WDFY3: variants seen among roughly 807,000 people sequenced by gnomAD.
WDFY3 encodes WD repeat and FYVE domain-containing protein 3.
In WDFY3, 66 loss-of-function variants were observed where a neutral mutation model predicts 409.6. The observed-to-expected ratio is 0.16, with a 90% CI of 0.13 to 0.20. The LOEUF (loss-of-function observed/expected upper bound fraction) is 0.20, where lower values mean the gene tolerates loss of function less well. WDFY3 is among the 10% of genes least tolerant of loss of function. The probability of loss-of-function intolerance (pLI) is 1.00; values close to 1 mark genes in which losing one functional copy is unlikely to be tolerated. For synonymous variants in WDFY3, 1,521 were observed against 1,537.1 expected, an observed-to-expected ratio of 0.99 and a Z score of 0.25; for missense variants, 3,031 against 4,298.1, an observed-to-expected ratio of 0.71 and a Z score of 8.24.
rs571053138 is a variant in WDFY3, at chr4:84,804,964, A to G, written c.2430-1497T>C. Among the ~76,000 whole-genome samples the G allele has an allele frequency of 8.9e-4, 136 of 152,290 alleles. 1 individual carries two copies. The highest frequency in any genetic ancestry group is 3.2e-3 in the African/African-American group (134 of 41,562). On this transcript the variant is annotated intron_variant, in intron 15 of 67. Coordinates refer to ENST00000295888, the MANE Select transcript of WDFY3 (RefSeq NM_014991.6). ...AACACAGGTTGAGTACCCCTAATCC[A>G]AAAATCTGAAATCTGAAATGCTCCA... is the stretch of plus-strand genomic sequence containing the variant.
intron 4 of WDFY3, among the ~76,000 whole-genome samples, chr4:84,852,670 A>AT (rs558085707): frequency 1.2e-3 from 178 of 151,988 alleles, no homozygotes; most frequent in African/African-American, 3.2e-3. Flanking sequence ...TCCTCAACAC[A>AT]TTTTTTTCCT....
At chr4:84,858,448 C>T (rs1167249824) in intron 4 of WDFY3, among the ~76,000 whole-genome samples, 2 of 151,694 alleles carry the variant, frequency 1.3e-5, no homozygotes, top group African/African-American at 4.8e-5. Flanking sequence ...AATAGTAAAA[C>T]AACAAAGAAT....
intron 36 of WDFY3, 81 bp downstream of exon 36, chr4:84,751,402 G>C (rs1740492578): frequency 7.1e-7 from 1 of 1,399,670 alleles, no homozygotes; most frequent in African/African-American, 1.4e-5. Flanking sequence ...AGAAATCCTT[G>C]TTATAGAACT....
At chr4:84,848,763 C>T (rs1447814189) in intron 5 of WDFY3, among the ~76,000 whole-genome samples, 1 of 152,112 alleles carries the variant, frequency 6.6e-6, no homozygotes, top group African/African-American at 2.4e-5. Context: ...TAAACGTAAA[C>T]CACAGCTGTG....
At chr4:84,752,044 C>T (rs1366975428) in intron 35 of WDFY3, among the ~76,000 whole-genome samples, 1 of 151,990 alleles carries the variant, frequency 6.6e-6, no homozygotes, top group Non-Finnish European at 1.5e-5. Flanking sequence ...GAACTCTACC[C>T]CTACTGTGAA....
intron 48 of WDFY3, 95 bp downstream of exon 48, chr4:84,718,327 A>G: frequency 7.3e-7 from 1 of 1,371,900 alleles, no homozygotes; most frequent in Non-Finnish European, 9.8e-7. Flanking sequence ...AACATTACCT[A>G]GAACACAATT....
chr4:84,732,295 G>A (rs1243220806), intron 44 of WDFY3, among the ~76,000 whole-genome samples: 1 of 152,066 alleles, frequency 6.6e-6, no homozygotes, highest in Non-Finnish European at 1.5e-5. Context: ...ATTGTTTATG[G>A]TGTACAAAGT....
rs943443891 is a variant in WDFY3, at chr4:84,678,998, G to A, written c.10068C>T (p.Thr3356=). 3 of 1,614,228 alleles carry A rather than the reference G, an allele frequency of 1.9e-6. No homozygotes were observed. Among genetic ancestry groups the A allele is most frequent in the South Asian group, 1.1e-5 (1 of 91,082 alleles). The change falls in exon 65 of 68, where the codon ACC becomes ACT. Residue 3356 remains threonine, a synonymous_variant. Coordinates refer to ENST00000295888, the MANE Select transcript of WDFY3 (RefSeq NM_014991.6). ...TAAGGGGGCCCTGCAGATGGGCTCT[G>A]GTCTGGCCCTCTGAATAGTTCACAA... The part of the protein sequence containing the change: ...FIFVNYSEGQ[T]RAHLQGPLSH...
At chr4:84,704,760 T>G (rs754648039) in intron 54 of WDFY3, among the ~76,000 whole-genome samples, 1 of 152,230 alleles carries the variant, frequency 6.6e-6, no homozygotes, top group Non-Finnish European at 1.5e-5. Context: ...GGATATTGAC[T>G]TATAGTTTTT....
In WDFY3 at chr4:84,802,009, G is replaced by A. The variant is rs142898705; in HGVS notation, c.2608-145C>T. The A allele has an allele frequency of 6.2e-3, 4,645 of 751,936 alleles. 158 individuals carry two copies. The African/African-American group carries it at 0.074, about 12-fold the overall frequency. 46.6% of individuals were successfully genotyped at this position (751,936 alleles called of 1,614,324 possible). On this transcript the variant is annotated intron_variant, in intron 16 of 67. Coordinates refer to ENST00000295888, the MANE Select transcript of WDFY3 (RefSeq NM_014991.6). ...GTTGTCCAGGCTGGAGTGCAATGGTGTGATCTCGCCTCATTGCAACCTCTG... is the reference window on the plus strand; with the variant it reads ...GTTGTCCAGGCTGGAGTGCAATGGTATGATCTCGCCTCATTGCAACCTCTG...
intron 55 of WDFY3, among the ~76,000 whole-genome samples, chr4:84,703,082 G>A (rs1731328565): frequency 1.3e-5 from 2 of 150,270 alleles, no homozygotes; most frequent in African/African-American, 2.4e-5. Flanking sequence ...GGGGGATAGC[G>A]AGACTCTGTC....
At chr4:84,769,484 G>A (rs1349775321) in intron 30 of WDFY3, among the ~76,000 whole-genome samples, 3 of 151,416 alleles carry the variant, frequency 2.0e-5, no homozygotes, top group African/African-American at 4.9e-5. Context: ...GCGCGATCTC[G>A]GCTCACTGCA....
chr4:84,894,523 A>G (rs1470043271), intron 3 of WDFY3, among the ~76,000 whole-genome samples: 1 of 152,062 alleles, frequency 6.6e-6, no homozygotes, highest in African/African-American at 2.4e-5. Flanking sequence ...GTGGTGGCTC[A>G]TGCCTGTAGT....
chr4:84,689,021 C>T (rs762409881), intron 61 of WDFY3, among the ~76,000 whole-genome samples: 4 of 152,190 alleles, frequency 2.6e-5, no homozygotes, highest in Non-Finnish European at 5.9e-5. Context: ...GGGCCATCTG[C>T]CCTGGCAGAA....
At chr4:84,825,600 AAAAGGTTCT>A (rs1342457813) in intron 10 of WDFY3, among the ~76,000 whole-genome samples, 1 of 152,136 alleles carries the variant, frequency 6.6e-6, no homozygotes, top group African/African-American at 2.4e-5. Flanking sequence ...AGACTCATTT[AAAAGGTTCT>A]AAACAACTTA....
intron 3 of WDFY3, among the ~76,000 whole-genome samples, chr4:84,888,944 C>T (rs11943484): frequency 1.3e-5 from 2 of 151,462 alleles, no homozygotes; most frequent in African/African-American, 4.9e-5. Context: ...TTCTTTTCTT[C>T]TCTTCTTTAC....
chr4:84,945,101 C>T (rs944470882), intron 1 of WDFY3, among the ~76,000 whole-genome samples: 2 of 152,146 alleles, frequency 1.3e-5, no homozygotes, highest in Admixed American at 1.3e-4. Context: ...AATCAAAATA[C>T]AAAGCCTCTT....
intron 54 of WDFY3, 54 bp downstream of exon 54, chr4:84,705,340 T>C (rs1731753684): frequency 1.4e-6 from 2 of 1,431,990 alleles, no homozygotes; most frequent in East Asian, 2.3e-5. Flanking sequence ...CGCTACATAA[T>C]GACTTACTTT....
chr4:84,691,288 T>A (rs1300314686), intron 60 of WDFY3, among the ~76,000 whole-genome samples: 1 of 151,990 alleles, frequency 6.6e-6, no homozygotes, highest in Non-Finnish European at 1.5e-5. Context: ...TGGTGACTCA[T>A]CAAAAGGAGG....
Sources: allele counts gnomAD v4.1 joint callset (sites outside exome capture counted in the v4.1 genomes callset), GRCh38; gene constraint gnomAD v4.1.1; transcripts MANE v1.5; gene names NCBI Gene and HGNC (gene_info 2026-07-23, HGNC 2026-07-21).